PPP4R4: variants seen among roughly 807,000 people sequenced by gnomAD.
PPP4R4 encodes protein phosphatase 4 regulatory subunit 4.
In PPP4R4, 70 loss-of-function variants were observed where a neutral mutation model predicts 121.8. That is an observed-to-expected ratio of 0.57 (90% confidence interval 0.47 to 0.70). PPP4R4 has a LOEUF of 0.70. Ranked by LOEUF, PPP4R4 falls within the 30% of genes least tolerant of loss-of-function variation. PPP4R4 has a pLI of 0.00. For synonymous variants in PPP4R4, 348 were observed against 355.7 expected (o/e 0.98, Z 0.24); for missense variants, 875 against 1,033.6 (o/e 0.85, Z 2.10).
chr14:94,242,292 A>G lies in PPP4R4; in HGVS notation c.1150A>G (p.Met384Val). 6.2e-7 allele frequency: 1 copy of G among 1,611,718 alleles called. No individual in the cohort carries two copies. Among genetic ancestry groups the G allele is most frequent in the Non-Finnish European group, 8.5e-7 (1 of 1,178,246 alleles). Residue 384 changes from methionine (M) to valine (V), a missense_variant, in exon 11 of 25, where the codon ATG (methionine) becomes GTG (valine). Coordinates refer to ENST00000304338, the MANE Select transcript of PPP4R4 (RefSeq NM_058237.2). ...TCCTCCCTTCCACCTCCACCAGGCCATGATTGTTTTTGTTGATCCTAAAAA... is the reference window on the plus strand; with the variant it reads ...TCCTCCCTTCCACCTCCACCAGGCCGTGATTGTTTTTGTTGATCCTAAAAA... ...RKNCAYNFPAMIVFVDPKNFH... is the reference protein window; with the variant it reads ...RKNCAYNFPAVIVFVDPKNFH...
Position 94,259,319 on chromosome 14 carries a change from G to C in PPP4R4, c.2077G>C (p.Asp693His). ...DAFQKKFYEK[D>H]LLDQEKEREE... ...GTTTCAGAAAAAGTTTTATGAGAAA[G>C]ATTTGTTGGATCAAGAGAAAGAAAG... The change falls in exon 19 of 25, where the codon GAT (aspartate) becomes CAT (histidine). Residue 693 changes from aspartate to histidine, a missense_variant. Physicochemically the swap from Asp to His is moderately conservative, Grantham distance 81. Coordinates refer to ENST00000304338, the MANE Select transcript of PPP4R4 (RefSeq NM_058237.2). The C allele has an allele frequency of 6.2e-6, 10 of 1,608,424 alleles. No homozygotes were observed. The highest frequency in any genetic ancestry group is 8.5e-6 in the Non-Finnish European group (10 of 1,178,328).
chr14:94,241,424 T>C (rs561305061), intron 9 of PPP4R4, among the ~76,000 whole-genome samples: 4 of 152,208 alleles, frequency 2.6e-5, no homozygotes, highest in South Asian at 4.1e-4. Context: ...GTGTCTTTTC[T>C]GTCAGCAATT....
chr14:94,262,981 T>G (rs1005433454), intron 19 of PPP4R4, among the ~76,000 whole-genome samples: 16 of 152,118 alleles, frequency 1.1e-4, no homozygotes, highest in Non-Finnish European at 2.4e-4. Context: ...AAATAGCTAC[T>G]CTCATTGAAT....
At chr14:94,221,464 G>C (rs1473164312) in intron 3 of PPP4R4, among the ~76,000 whole-genome samples, 2 of 152,030 alleles carry the variant, frequency 1.3e-5, no homozygotes, top group Non-Finnish European at 2.9e-5. Flanking sequence ...AAAGGACTGT[G>C]TTCAGAATTC....
intron 11 of PPP4R4, among the ~76,000 whole-genome samples, chr14:94,242,725 A>G (rs868687796): frequency 3.9e-5 from 6 of 152,136 alleles, no homozygotes; most frequent in South Asian, 2.1e-4. Context: ...TATATGCTTT[A>G]TAATATTTAC....
At chr14:94,256,686 G>T (rs1274419030) in intron 17 of PPP4R4, 82 bp downstream of exon 17, 12 of 1,290,366 alleles carry the variant, frequency 9.3e-6, no homozygotes, top group Non-Finnish European at 1.2e-5. Context: ...AGCTTGACAG[G>T]ATAGCAATAT....
At chr14:94,274,272 A>G (rs915345605) in intron 23 of PPP4R4, among the ~76,000 whole-genome samples, 1 of 152,152 alleles carries the variant, frequency 6.6e-6, no homozygotes, top group Non-Finnish European at 1.5e-5. Flanking sequence ...ACCATAAAAC[A>G]AAAATATCAA....
chr14:94,205,185 AT>A (rs1325085670), intron 2 of PPP4R4, among the ~76,000 whole-genome samples: 1 of 152,116 alleles, frequency 6.6e-6, no homozygotes, highest in Non-Finnish European at 1.5e-5. Flanking sequence ...GGCCTGGACA[AT>A]TTTTTAAGAC....
chr14:94,253,778 CTG>C (rs1192065592), intron 16 of PPP4R4, among the ~76,000 whole-genome samples: 6 of 152,176 alleles, frequency 3.9e-5, no homozygotes, highest in Admixed American at 2.0e-4. Flanking sequence ...TATTGTATAA[CTG>C]TGTGTCTTGG....
chr14:94,197,446 G>A lies in PPP4R4; in HGVS notation c.192-11018G>A, dbSNP rs1241557633. 2.0e-5 allele frequency among the ~76,000 whole-genome samples: 3 copies of A among 152,082 alleles called. 1 individual carries two copies. The highest frequency in any genetic ancestry group is 4.4e-5 in the Non-Finnish European group (3 of 68,006). Reference sequence around the variant, plus strand: ...TTATTATTTTTGTCCTAGTTGCTCTGTTTTTAATGAGGGATTCAGGAAATT... The same window carrying A: ...TTATTATTTTTGTCCTAGTTGCTCTATTTTTAATGAGGGATTCAGGAAATT... On this transcript the variant is annotated intron_variant, in intron 2 of 24. Transcript: ENST00000304338.
At chr14:94,233,565 A>C in intron 5 of PPP4R4, 88 bp from the exon 6 acceptor site, 1 of 801,806 alleles carries the variant, frequency 1.2e-6, no homozygotes, top group Non-Finnish European at 2.0e-6. Flanking sequence ...AACATTTAGA[A>C]CTTTAAAATA....
At chr14:94,243,913 A>G (rs1482143084) in intron 11 of PPP4R4, among the ~76,000 whole-genome samples, 6 of 152,114 alleles carry the variant, frequency 3.9e-5, no homozygotes, top group Admixed American at 6.6e-5. Flanking sequence ...AATATTTTTG[A>G]CAAGTCAAAA....
intron 3 of PPP4R4, among the ~76,000 whole-genome samples, chr14:94,211,017 G>T (rs1416844194): frequency 6.6e-6 from 1 of 152,104 alleles, no homozygotes; most frequent in African/African-American, 2.4e-5. Context: ...AGCATCTCGG[G>T]TAACTGCTTT....
chr14:94,220,715 A>T (rs1192900320), intron 3 of PPP4R4, among the ~76,000 whole-genome samples: 1 of 152,210 alleles, frequency 6.6e-6, no homozygotes, highest in Non-Finnish European at 1.5e-5. Context: ...AAACTATAGA[A>T]CATTTCTGAG....
intron 16 of PPP4R4, among the ~76,000 whole-genome samples, chr14:94,252,978 C>A (rs2224237): frequency 1.3e-5 from 2 of 151,994 alleles, no homozygotes; most frequent in Non-Finnish European, 2.9e-5. Flanking sequence ...CAAAAGATAC[C>A]GAAAAGTTCA....
rs1888673559 is a variant in PPP4R4, at chr14:94,176,208, G to A, written c.191+81G>A. On this transcript the variant is annotated intron_variant, in intron 2 of 24. Coordinates refer to ENST00000304338, the MANE Select transcript of PPP4R4 (RefSeq NM_058237.2). ...TGAATGCTTTCTAAAATGTATGTTC[G>A]CGTTATGTTCAGATTTACTTAGCCA... 4 of 1,199,396 alleles carry A rather than the reference G, an allele frequency of 3.3e-6. No homozygotes were observed. The Admixed American group carries it at 5.1e-5, about 15-fold the overall frequency. 74.3% of individuals were successfully genotyped at this position (1,199,396 alleles called of 1,614,324 possible).
intron 23 of PPP4R4, among the ~76,000 whole-genome samples, chr14:94,268,118 G>C (rs75102326): frequency 1.3e-5 from 2 of 152,186 alleles, no homozygotes; most frequent in Admixed American, 1.3e-4. Context: ...CAGTAAAGCT[G>C]TGAATTCTTT....
intron 5 of PPP4R4, among the ~76,000 whole-genome samples, chr14:94,232,215 T>C (rs1222969211): frequency 6.6e-6 from 1 of 152,180 alleles, no homozygotes; most frequent in Admixed American, 6.5e-5. Context: ...AATGAAAAGA[T>C]TTTGTATTCT....
At chr14:94,227,355 C>T in intron 3 of PPP4R4, 2 of 1,611,840 alleles carry the variant, frequency 1.2e-6, no homozygotes, top group Non-Finnish European at 1.7e-6. Flanking sequence ...GAGGGTGTGA[C>T]TCTGTGGAGG....
Sources: gnomAD v4.1 joint callset for allele counts (sites outside exome capture counted in the v4.1 genomes callset) on GRCh38, gnomAD v4.1.1 for gene constraint, MANE v1.5 for transcripts, NCBI Gene and HGNC (gene_info 2026-07-23, HGNC 2026-07-21) for gene names.